The following SCP2 variants were observed in gnomAD, a reference collection of about 807,000 sequenced individuals.
SCP2 encodes sterol carrier protein 2.
SCP2 carries 48 observed loss-of-function variants against 71.4 expected under a neutral mutation model. That is an observed-to-expected ratio of 0.67 (90% CI 0.53 to 0.86). The LOEUF (loss-of-function observed/expected upper bound fraction) is 0.86. Among genes scored for constraint, SCP2 ranks in the 40% least tolerant of loss-of-function variants. SCP2 has a pLI of 0.00. For synonymous variants in SCP2, 220 were observed against 218.1 expected (o/e 1.01, Z -0.08); for missense variants, 560 against 655.6 (o/e 0.85, Z 1.59).
rs372729186 is a variant in SCP2, at chr1:52,961,538, T to C, written c.432T>C (p.Val144=). 96 of 1,613,652 alleles carry C rather than the reference T, an allele frequency of 5.9e-5. No homozygotes were observed. The highest frequency in any genetic ancestry group is 7.9e-5 in the Non-Finnish European group (93 of 1,179,700). ...GAACCATTCCCACTGATAAGCATGTTGACCTCCTGATCAATAAGTATGGAT... is the reference window on the plus strand; with the variant it reads ...GAACCATTCCCACTGATAAGCATGTCGACCTCCTGATCAATAAGTATGGAT... ...SDRTIPTDKH[V]DLLINKYGLS... The change falls in exon 6 of 16, where the codon GTT becomes GTC. Residue 144 remains valine, a synonymous_variant. Coordinates refer to ENST00000371514, the MANE Select transcript of SCP2 (RefSeq NM_002979.5).
intron 13 of SCP2, among the ~76,000 whole-genome samples, chr1:53,030,793 G>A (rs1352202064): frequency 6.6e-6 from 1 of 151,708 alleles, no homozygotes; most frequent in African/African-American, 2.4e-5. Flanking sequence ...CCAGCTACTA[G>A]AGAGGCTGAG....
intron 14 of SCP2, among the ~76,000 whole-genome samples, chr1:53,041,115 T>C (rs937291881): frequency 7.2e-5 from 11 of 152,022 alleles, no homozygotes; most frequent in African/African-American, 2.4e-4. Context: ...TAAAATGCCA[T>C]GATAGGGGCT....
intron 11 of SCP2, chr1:52,993,065 G>C: frequency 9.6e-7 from 1 of 1,036,492 alleles, no homozygotes; most frequent in South Asian, 1.3e-5. Flanking sequence ...GGACTAGCCA[G>C]CTTCTTGGTC....
intron 10 of SCP2, among the ~76,000 whole-genome samples, chr1:52,982,233 TA>T (rs1039154204): frequency 3.9e-5 from 6 of 152,108 alleles, no homozygotes; most frequent in African/African-American, 1.4e-4. Context: ...GTAACAACCA[TA>T]AAATGTCTTC....
rs1373745962 is a variant in SCP2 at position 53,008,577 on chromosome 1, C to A, written c.1082-6313C>A. Among the ~76,000 whole-genome samples the A allele has an allele frequency of 2.6e-5, 4 of 152,180 alleles. No homozygotes were observed. In the East Asian group the frequency reaches 7.7e-4, roughly 29 times the overall value. On this transcript the variant is annotated intron_variant, in intron 11 of 15. Transcript: ENST00000371514. ...AGAAAAGGCCTTTGACAAAATTCAA[C>A]AGCCCATCATGCTAAAAACTCTCAA...
In SCP2 at chr1:53,027,217, G is replaced by A. The variant is rs180988855; in HGVS notation, c.1236-752G>A. On this transcript the variant is annotated intron_variant, in intron 12 of 15. Transcript: ENST00000371514. ...CTACAGGCACGCACCACCACACCAG[G>A]CCAATTTTTGTGTTTTTTATAGAGA... Among the ~76,000 whole-genome samples, 678 of 152,120 alleles carry A rather than the reference G, an allele frequency of 4.5e-3. 7 individuals are homozygous for A. The highest frequency in any genetic ancestry group is 0.016 in the African/African-American group (650 of 41,492).
intron 6 of SCP2, 66 bp downstream of exon 6, chr1:52,961,695 T>G: frequency 3.0e-6 from 4 of 1,344,522 alleles, no homozygotes; most frequent in Non-Finnish European, 4.3e-6. Context: ...GAAATGACAG[T>G]TATTTATTAA....
At chr1:53,047,176 C>G (rs1663874174) in intron 14 of SCP2, among the ~76,000 whole-genome samples, 1 of 152,266 alleles carries the variant, frequency 6.6e-6, no homozygotes. Context: ...GGCCAGTTCC[C>G]TGCCACGTGG....
chr1:52,994,073 A>T, intron 11 of SCP2: 2 of 1,082,878 alleles, frequency 1.8e-6, no homozygotes, highest in Non-Finnish European at 2.2e-6. Context: ...AATGCTACAC[A>T]GACATTATTT....
chr1:53,024,396 C>T (rs4926944), intron 12 of SCP2, among the ~76,000 whole-genome samples: 10,025 of 151,794 alleles, frequency 0.066, 442 homozygotes, highest in African/African-American at 0.12. Flanking sequence ...GATGGTTGCA[C>T]AACATTATGA....
intron 13 of SCP2, among the ~76,000 whole-genome samples, chr1:53,030,761 G>A (rs1025944856): frequency 1.3e-5 from 2 of 151,840 alleles, no homozygotes; most frequent in Non-Finnish European, 2.9e-5. Flanking sequence ...GCATGATGGC[G>A]CAGTCCCAGA....
At position 52,928,493 on chromosome 1, in the gene SCP2, T is replaced by C. The variant is rs1652753179; in HGVS notation, c.69+1028T>C. ...AGCGTACCTAATTCAGTCCAACATG[T>C]AAATAGGCCGGGGCCGGTGGCTCAC... On this transcript the variant is annotated intron_variant, in intron 1 of 15. Coordinates refer to ENST00000371514, the MANE Select transcript of SCP2 (RefSeq NM_002979.5). Among the ~76,000 whole-genome samples the C allele has an allele frequency of 1.3e-5, 2 of 152,190 alleles. 1 individual carries two copies. Among genetic ancestry groups the C allele is most frequent in the Non-Finnish European group, 2.9e-5 (2 of 68,036 alleles).
chr1:53,006,432 C>T lies in SCP2; in HGVS notation c.1082-8458C>T, dbSNP rs1039333421. ...CCCAACAGACTAACAGCGGATCTCT[C>T]GGCAGAAACTCTACAAGCCAGAAGA... On this transcript the variant is annotated intron_variant, in intron 11 of 15. Transcript: ENST00000371514. Among the ~76,000 whole-genome samples, 228 of 152,192 alleles carry T rather than the reference C, an allele frequency of 1.5e-3. 1 individual carries two copies. The highest frequency in any genetic ancestry group is 1.7e-3 in the Non-Finnish European group (118 of 68,018).
rs1223232043 is a variant in SCP2 at position 52,980,434 on chromosome 1, C to G, written c.864C>G (p.Cys288Trp). ...TGAGTAAAGAAGCTGCAAGAAAATG[C>G]TATGAGAAATCTGGCCTGACACCAA... is the stretch of plus-strand genomic sequence containing the variant. ...FDMSKEAARK[C>W]YEKSGLTPND... The change falls in exon 10 of 16, where the codon TGC (cysteine) becomes TGG (tryptophan). Residue 288 changes from cysteine to tryptophan, a missense_variant. By Grantham distance (215) the Cys-to-Trp change is radical. Transcript: ENST00000371514. The G allele has an allele frequency of 6.2e-7, 1 of 1,613,954 alleles. No individual in the cohort carries two copies. Among genetic ancestry groups the G allele is most frequent in the African/African-American group, 1.3e-5 (1 of 74,918 alleles).
chr1:53,048,035 C>T lies in SCP2; in HGVS notation c.1548+98C>T. Reference sequence around the variant, plus strand: ...GACTCTAAAGTGCAAAGTGGTCAGACTCACAAAACTCAGTGTTCCCCAAAC... The same window carrying T: ...GACTCTAAAGTGCAAAGTGGTCAGATTCACAAAACTCAGTGTTCCCCAAAC... On this transcript the variant is annotated intron_variant, in intron 15 of 15. Coordinates refer to ENST00000371514, the MANE Select transcript of SCP2 (RefSeq NM_002979.5). The T allele has an allele frequency of 3.6e-6, 3 of 825,556 alleles. No individual in the cohort carries two copies. The South Asian group carries it at 4.1e-5, about 11-fold the overall frequency. 51.1% of individuals were successfully genotyped at this position (825,556 alleles called of 1,614,324 possible).
chr1:52,928,924 T>C (rs558658856), intron 1 of SCP2, among the ~76,000 whole-genome samples: 31 of 152,354 alleles, frequency 2.0e-4, no homozygotes, highest in South Asian at 4.1e-4. Context: ...CAGTCAAACC[T>C]TCCTCTGGCT....
At chr1:52,972,392 A>T (rs1289720687) in intron 6 of SCP2, among the ~76,000 whole-genome samples, 2 of 152,200 alleles carry the variant, frequency 1.3e-5, no homozygotes, top group East Asian at 3.8e-4. Context: ...TTTCAAGGGG[A>T]TGCTGTCTTT....
chr1:53,014,900 G>A lies in SCP2; in HGVS notation c.1092G>A (p.Gln364=). The change falls in exon 12 of 16, where the codon CAG becomes CAA. Residue 364 remains glutamine (Q), a synonymous_variant. Transcript: ENST00000371514. ...TGTTCGATTTGTTAGGTCTTGCTCAGTGTGCAGAACTCTGCTGGCAGCTGA... is the reference window on the plus strand; with the variant it reads ...TGTTCGATTTGTTAGGTCTTGCTCAATGTGCAGAACTCTGCTGGCAGCTGA... ...GHPLGATGLA[Q]CAELCWQLRG... 1 of 1,613,178 alleles carries A rather than the reference G, an allele frequency of 6.2e-7. No individual in the cohort carries two copies. Among genetic ancestry groups the A allele is most frequent in the Non-Finnish European group, 8.5e-7 (1 of 1,179,888 alleles).
At chr1:52,964,448 A>G (rs1211899063) in intron 6 of SCP2, among the ~76,000 whole-genome samples, 2 of 151,528 alleles carry the variant, frequency 1.3e-5, no homozygotes, top group African/African-American at 4.8e-5. Context: ...GATCCGCCCA[A>G]CTCAGCCTCC....
Sources: allele counts gnomAD v4.1 joint callset (sites outside exome capture counted in the v4.1 genomes callset), GRCh38; gene constraint gnomAD v4.1.1; transcripts MANE v1.5; gene names NCBI Gene and HGNC (gene_info 2026-07-23, HGNC 2026-07-21).